TRIM37: variants seen among roughly 807,000 people sequenced by gnomAD.
TRIM37 encodes E3 ubiquitin-protein ligase TRIM37.
Under a neutral mutation model 129.8 loss-of-function variants are expected in TRIM37, and 80 were observed. That is an observed-to-expected ratio of 0.62 (90% CI 0.51 to 0.74). The LOEUF is 0.74. Ranked by LOEUF, TRIM37 falls within the 30% of genes least tolerant of loss-of-function variation. The probability of loss-of-function intolerance (pLI) is 0.00; values close to 1 mark genes in which losing one functional copy is unlikely to be tolerated. For missense variants in TRIM37, 1,054 were observed against 1,176.5 expected (o/e 0.90, Z 1.52); for synonymous variants, 389 against 387.1 (o/e 1.00, Z -0.06).
Position 59,091,309 on chromosome 17 carries a change from G to A in TRIM37, c.155C>T (p.Pro52Leu). 1 of 1,583,616 alleles carries A rather than the reference G, an allele frequency of 6.3e-7. No individual in the cohort carries two copies. Among genetic ancestry groups the A allele is most frequent in the Non-Finnish European group, 8.6e-7 (1 of 1,162,650 alleles). ...GTAAGGAAACACTTACCGGCAATGA[G>A]GACATTGAGCTCTCTGCTCTGTCAG... The part of the protein sequence containing the change: ...RWLTEQRAQC[P>L]HCRAPLQLRE... Residue 52 changes from proline (P) to leucine (L), a missense_variant, in exon 3 of 24, where the codon CCT becomes CTT. Coordinates refer to ENST00000262294, the MANE Select transcript of TRIM37 (RefSeq NM_015294.6).
rs540514352 is a variant in TRIM37 at position 59,025,735 on chromosome 17, TACA to T, written c.2257+2677_2257+2679del. ...TCGAATATTAAGTGGACCTGTACAG[TACA>T]ACAAGCCTGTGCTGTTCAAGGGTCA... On this transcript the variant is annotated intron_variant, in intron 19 of 23. Transcript: ENST00000262294. 2.5e-3 allele frequency among the ~76,000 whole-genome samples: 377 copies of T among 152,294 alleles called. 1 individual carries two copies. The highest frequency in any genetic ancestry group is 4.2e-3 in the Non-Finnish European group (287 of 68,018).
At chr17:59,030,860 A>G (rs529140531) in intron 18 of TRIM37, among the ~76,000 whole-genome samples, 1 of 152,234 alleles carries the variant, frequency 6.6e-6, no homozygotes, top group South Asian at 2.1e-4. Context: ...AAAAGGTTAA[A>G]CCAACTTACA....
chr17:59,016,488 G>A (rs1007314182), intron 20 of TRIM37, among the ~76,000 whole-genome samples: 3 of 149,014 alleles, frequency 2.0e-5, no homozygotes, highest in African/African-American at 7.4e-5. Context: ...TCCAGGCCAA[G>A]TGTTGTGGCT....
intron 24 of TRIM37, among the ~76,000 whole-genome samples, chr17:58,990,234 T>TA (rs1341904509): frequency 8.2e-6 from 1 of 122,070 alleles, no homozygotes; most frequent in Non-Finnish European, 1.6e-5. Flanking sequence ...CTCACACCTA[T>TA]AATCCCAGCA....
At chr17:59,074,327 T>G (rs577310179) in intron 8 of TRIM37, among the ~76,000 whole-genome samples, 1 of 152,328 alleles carries the variant, frequency 6.6e-6, no homozygotes, top group Non-Finnish European at 1.5e-5. Context: ...CTATGCCATT[T>G]TATATAAGGG....
At chr17:59,100,235 T>C (rs1405808164) in intron 2 of TRIM37, among the ~76,000 whole-genome samples, 2 of 152,192 alleles carry the variant, frequency 1.3e-5, no homozygotes, top group African/African-American at 4.8e-5. Context: ...ATCTACCACA[T>C]AATCTCTATC....
At chr17:59,042,244 CAG>C (rs1185281573) in intron 16 of TRIM37, among the ~76,000 whole-genome samples, 1 of 150,064 alleles carries the variant, frequency 6.7e-6, no homozygotes, top group Non-Finnish European at 1.5e-5. Context: ...GGTGTGGTGG[CAG>C]GCACCTGTAG....
At position 59,051,494 on chromosome 17, in the gene TRIM37, A is replaced by C. The variant is rs183830662; in HGVS notation, c.1200-166T>G. On this transcript the variant is annotated intron_variant, in intron 13 of 23. Transcript: ENST00000262294. ...ATAGATGTAGTCCACAGATTATGACACAAGGTTCTGAAAAGCCAGTTGTCC... is the reference window on the plus strand; with the variant it reads ...ATAGATGTAGTCCACAGATTATGACCCAAGGTTCTGAAAAGCCAGTTGTCC... Among the ~76,000 whole-genome samples, 19 of 152,378 alleles carry C rather than the reference A, an allele frequency of 1.2e-4. No individual in the cohort carries two copies. In the East Asian group the frequency reaches 3.7e-3, roughly 29 times the overall value.
rs185634832 is a variant in TRIM37, at chr17:59,030,058, C to T, written c.1949-1335G>A. Among the ~76,000 whole-genome samples, 33 of 152,270 alleles carry T rather than the reference C, an allele frequency of 2.2e-4. No individual in the cohort carries two copies. In the East Asian group the frequency reaches 6.0e-3, roughly 28 times the overall value. On this transcript the variant is annotated intron_variant, in intron 18 of 23. Transcript: ENST00000262294. ...TAAAACTCCTTTGCAATCTCACACC[C>T]TTGGTTTTAATTATCCAGTATCACC...
rs1298178010 is a variant in TRIM37 at position 59,056,899 on chromosome 17, G to A, written c.1175C>T (p.Pro392Leu). 3 of 1,613,432 alleles carry A rather than the reference G, an allele frequency of 1.9e-6. No homozygotes were observed. The South Asian group carries it at 3.3e-5, about 18-fold the overall frequency. Residue 392 changes from proline (P) to leucine (L), a missense_variant, in exon 13 of 24, where the codon CCA becomes CTA. By Grantham distance (98) the Pro-to-Leu change is moderately conservative. Coordinates refer to ENST00000262294, the MANE Select transcript of TRIM37 (RefSeq NM_015294.6). ...DLLANEGYLN[P>L]QNDTVILRFQ... ...CCTTAAAATCACTGTATCATTTTGT[G>A]GATTCAAGTATCCTTCATTTGCGAG...
intron 17 of TRIM37, among the ~76,000 whole-genome samples, chr17:59,034,409 C>T (rs1268354339): frequency 6.6e-6 from 1 of 151,602 alleles, no homozygotes; most frequent in Non-Finnish European, 1.5e-5. Flanking sequence ...ATGTTCCCAG[C>T]TTTCTTTTCT....
chr17:59,090,774 C>T (rs1163049006), intron 3 of TRIM37, among the ~76,000 whole-genome samples: 1 of 151,872 alleles, frequency 6.6e-6, no homozygotes, highest in Non-Finnish European at 1.5e-5. Context: ...TATAGTCGCG[C>T]GCCACCACGC....
At chr17:59,036,296 G>A (rs1319861567) in intron 17 of TRIM37, among the ~76,000 whole-genome samples, 1 of 151,970 alleles carries the variant, frequency 6.6e-6, no homozygotes, top group East Asian at 1.9e-4. Context: ...TATGAGAACT[G>A]CTTTTAGTTT....
chr17:59,009,411 T>C (rs2034960807), intron 22 of TRIM37, among the ~76,000 whole-genome samples: 1 of 150,748 alleles, frequency 6.6e-6, no homozygotes, highest in Non-Finnish European at 1.5e-5. Flanking sequence ...TTACAGGCAT[T>C]AGCCAACATG....
At chr17:59,056,631 G>C (rs556955897) in intron 13 of TRIM37, among the ~76,000 whole-genome samples, 1 of 146,480 alleles carries the variant, frequency 6.8e-6, no homozygotes, top group Middle Eastern at 3.3e-3. Flanking sequence ...TCGGGAGGCT[G>C]AGGCAGGAGA....
At chr17:59,091,867 G>A (rs1284421013) in intron 2 of TRIM37, among the ~76,000 whole-genome samples, 4 of 150,872 alleles carry the variant, frequency 2.7e-5, no homozygotes, top group Non-Finnish European at 4.4e-5. Context: ...ATTCTCACAG[G>A]GAACGTCTAT....
chr17:59,074,263 C>A lies in TRIM37; in HGVS notation c.684+1384G>T, dbSNP rs573254559. Among the ~76,000 whole-genome samples, 9 of 152,220 alleles carry A rather than the reference C, an allele frequency of 5.9e-5. No homozygotes were observed. In the East Asian group the frequency reaches 1.7e-3, roughly 29 times the overall value. On this transcript the variant is annotated intron_variant, in intron 8 of 23. Coordinates refer to ENST00000262294, the MANE Select transcript of TRIM37 (RefSeq NM_015294.6). The stretch of plus-strand genomic sequence containing the variant: ...TGCAGTCTGTCATTGACCAAAAGGT[C>A]ATAATTTGACACATGTTTGTATATG...
At chr17:59,101,755 T>C (rs2045530945) in intron 2 of TRIM37, among the ~76,000 whole-genome samples, 2 of 144,694 alleles carry the variant, frequency 1.4e-5, no homozygotes, top group Admixed American at 7.1e-5. Context: ...TATATACATA[T>C]ATACACACAC....
rs1420578023 is a variant in TRIM37, at chr17:59,001,610, G to A, written c.2800C>T (p.Pro934Ser). The change falls in exon 23 of 24, where the codon CCC (proline) becomes TCC (serine). Residue 934 changes from proline to serine, a missense_variant. Physicochemically the swap from Pro to Ser is moderately conservative, Grantham distance 74 (BLOSUM62 -1). Around this residue, in one of 3 missense-constraint regions of TRIM37, gnomAD observed 287 missense variants for 274.3 expected, o/e 1.05. Coordinates refer to ENST00000262294, the MANE Select transcript of TRIM37 (RefSeq NM_015294.6). The stretch of plus-strand genomic sequence containing the variant: ...TCATGTGCTGCACCTTCATCCGGGG[G>A]CTGTGTCATGACCATGAAGGAGTCG... ...FHDSFMVMTQPPDEDTHSSFP... is the reference protein window; with the variant it reads ...FHDSFMVMTQSPDEDTHSSFP... 1.2e-6 allele frequency: 2 copies of A among 1,613,998 alleles called. No homozygotes were observed. The highest frequency in any genetic ancestry group is 3.3e-5 in the Admixed American group (2 of 59,992).
Sources: gnomAD v4.1 joint callset for allele counts (sites outside exome capture counted in the v4.1 genomes callset) on GRCh38, gnomAD v4.1.1 for gene constraint, gnomAD v4.1.1 regional missense constraint, MANE v1.5 for transcripts, NCBI Gene and HGNC (gene_info 2026-07-23, HGNC 2026-07-21) for gene names.